The following CNOT1 variants were observed in gnomAD, a reference collection of about 807,000 sequenced individuals.
The protein encoded by CNOT1 is CCR4-NOT transcription complex subunit 1, also known as CCR4-associated factor 1.
A neutral mutation model predicts 273.8 loss-of-function variants in CNOT1; 15 were observed. That is an observed-to-expected ratio of 0.05 (90% CI 0.04 to 0.08). The LOEUF is 0.08. CNOT1 is among the 10% of genes least tolerant of loss of function. The pLI, the probability that CNOT1 is intolerant of heterozygous loss-of-function variation, is 1.00. For synonymous variants in CNOT1, 1,022 were observed against 1,005.5 expected (o/e 1.02, Z -0.31); for missense variants, 1,644 against 2,912.2 (o/e 0.56, Z 10.02).
intron 1 of CNOT1, among the ~76,000 whole-genome samples, chr16:58,616,075 C>T (rs2043069244): frequency 8.1e-6 from 1 of 124,068 alleles, no homozygotes; most frequent in African/African-American, 2.7e-5. Context: ...CTGACTCTAC[C>T]AAAAAAATAA....
In CNOT1 at chr16:58,588,783, T is replaced by A. The variant is rs753575385; in HGVS notation, c.210+16A>T. On this transcript the variant is annotated intron_variant, in intron 3 of 48. Transcript: ENST00000317147. ...ATTACAGCTAAGTGGACATGAACTC[T>A]GTAAGCCCCAAATACCTGATGGAAA... The A allele has an allele frequency of 3.1e-6, 5 of 1,611,690 alleles. No individual in the cohort carries two copies. The highest frequency in any genetic ancestry group is 4.2e-6 in the Non-Finnish European group (5 of 1,178,890).
At chr16:58,604,350 G>A (rs1002461079) in intron 1 of CNOT1, among the ~76,000 whole-genome samples, 2 of 152,148 alleles carry the variant, frequency 1.3e-5, no homozygotes, top group Admixed American at 6.5e-5. Context: ...GAGATTCCAA[G>A]ATATTCATTC....
chr16:58,597,563 A>G, intron 2 of CNOT1: 1 of 292,170 alleles, frequency 3.4e-6, no homozygotes, highest in Non-Finnish European at 6.6e-6. Context: ...TGAATGTAAA[A>G]GTGTAAAGAA....
In CNOT1 at chr16:58,616,161, C is replaced by T. The variant is rs1408705774; in HGVS notation, c.-175+13567G>A. Among the ~76,000 whole-genome samples the T allele has an allele frequency of 1.6e-5, 2 of 125,034 alleles. 1 individual carries two copies. Among genetic ancestry groups the T allele is most frequent in the Non-Finnish European group, 3.8e-5 (2 of 52,482 alleles). The allele number at this position is 125,034 out of a possible 152,430, so 82.0% of individuals were successfully genotyped here. ...TCGCTCTGTTGCCCAGGCTGGAGTG[C>T]AGTGTCATGATCTCGGCTCACTGCA... On this transcript the variant is annotated intron_variant, in intron 1 of 48. Coordinates refer to ENST00000317147, the MANE Select transcript of CNOT1 (RefSeq NM_016284.5).
intron 25 of CNOT1, chr16:58,548,645 C>G (rs748558771): frequency 1.9e-6 from 1 of 517,210 alleles, no homozygotes; most frequent in Non-Finnish European, 3.9e-6. Context: ...GTTCCTAAGC[C>G]AATGACCCAA....
chr16:58,623,921 T>TA (rs2043451292), intron 1 of CNOT1, among the ~76,000 whole-genome samples: 1 of 151,428 alleles, frequency 6.6e-6, no homozygotes. Context: ...ACCAGAGCGA[T>TA]AGAGGTTGCA....
chr16:58,541,684 G>A (rs1567394731), intron 33 of CNOT1, 64 bp from the exon 34 acceptor site: 8 of 1,549,986 alleles, frequency 5.2e-6, no homozygotes, highest in Middle Eastern at 1.7e-4. Context: ...TGTTTTGAAA[G>A]TGGAAAGTCT....
intron 10 of CNOT1, among the ~76,000 whole-genome samples, chr16:58,582,123 C>CAAAAAAAAAA (rs930219983): frequency 5.0e-5 from 5 of 99,370 alleles, no homozygotes; most frequent in East Asian, 3.2e-4. Context: ...ACTAAAAATA[C>CAAAAAAAAAA]AAAAAAAAAA....
In CNOT1 at chr16:58,585,433, G is replaced by A. The variant is rs749681874; in HGVS notation, c.711C>T (p.Asp237=). 1.9e-6 allele frequency: 3 copies of A among 1,613,838 alleles called. No homozygotes were observed. The highest frequency in any genetic ancestry group is 2.2e-5 in the East Asian group (1 of 44,876). ...LYPEKRDILM[D]RILPDSGGVA... is the part of the protein sequence containing the mutation. ...CCCCTCCGGAATCAGGCAGGATCCT[G>A]TCCATTAGAATGTCCCGTTTTTCAG... Residue 237 remains aspartate, a synonymous_variant, in exon 8 of 49, where the codon GAC becomes GAT. Coordinates refer to ENST00000317147, the MANE Select transcript of CNOT1 (RefSeq NM_016284.5).
At chr16:58,578,376 C>G (rs2041536236) in intron 13 of CNOT1, among the ~76,000 whole-genome samples, 1 of 151,038 alleles carries the variant, frequency 6.6e-6, no homozygotes, top group Non-Finnish European at 1.5e-5. Context: ...ATCACTTGAA[C>G]CCAGGAGATG....
intron 35 of CNOT1, 105 bp from the exon 36 acceptor site, chr16:58,539,019 A>G: frequency 6.8e-7 from 1 of 1,478,840 alleles, no homozygotes. Flanking sequence ...TACCTTCCAA[A>G]GCCTCCCTGT....
chr16:58,520,820 C>T lies in CNOT1; in HGVS notation c.*138G>A. 1.1e-6 allele frequency: 1 copy of T among 876,590 alleles called. No individual in the cohort carries two copies. Among genetic ancestry groups the T allele is most frequent in the South Asian group, 1.6e-5 (1 of 64,404 alleles). 54.3% of individuals were successfully genotyped at this position (876,590 alleles called of 1,614,324 possible). A position where few individuals can be genotyped will look rare whatever the true frequency, so the allele number is the denominator to read the frequency against. Reference sequence around the variant, plus strand: ...CCCACATAAGACAGGAGGCTGATCCCAACAGTAGTTGGGGCAGATACCCAC... The same window carrying T: ...CCCACATAAGACAGGAGGCTGATCCTAACAGTAGTTGGGGCAGATACCCAC... On this transcript the variant is annotated 3_prime_UTR_variant, in exon 49 of 49. Coordinates refer to ENST00000317147, the MANE Select transcript of CNOT1 (RefSeq NM_016284.5).
chr16:58,536,957 A>T, intron 39 of CNOT1, 32 bp downstream of exon 39: 4 of 1,610,494 alleles, frequency 2.5e-6, no homozygotes, highest in Non-Finnish European at 3.4e-6. Context: ...CTTATGTTGA[A>T]TAAAAAGCAC....
chr16:58,574,838 T>C (rs977916551), intron 15 of CNOT1, 78 bp from the exon 16 acceptor site: 1 of 1,565,812 alleles, frequency 6.4e-7, no homozygotes, highest in Non-Finnish European at 8.6e-7. Context: ...TACTAAGCAC[T>C]ATAACTAAAA....
intron 1 of CNOT1, among the ~76,000 whole-genome samples, chr16:58,612,977 T>A (rs1264011103): frequency 6.6e-6 from 1 of 152,130 alleles, no homozygotes; most frequent in Non-Finnish European, 1.5e-5. Flanking sequence ...ACTTTACAGA[T>A]AAGGAATAGT....
At chr16:58,607,888 A>G (rs1042256355) in intron 1 of CNOT1, among the ~76,000 whole-genome samples, 2 of 151,928 alleles carry the variant, frequency 1.3e-5, no homozygotes, top group Non-Finnish European at 2.9e-5. Context: ...ATTTTAAGAA[A>G]AGGCCAGGCG....
At position 58,574,627 on chromosome 16, in the gene CNOT1, C is replaced by T; in HGVS notation, c.1961G>A (p.Cys654Tyr). The change falls in exon 16 of 49, where the codon TGT becomes TAT. Residue 654 changes from cysteine to tyrosine, a missense_variant. By Grantham distance (194) the Cys-to-Tyr change is radical. Around this residue, in one of 13 missense-constraint regions of CNOT1, gnomAD observed 706 missense variants for 1,021.2 expected, o/e 0.69. Transcript: ENST00000317147. ...PPETLATMLA[C>Y]LQACAGSVSQ... is the part of the protein sequence containing the mutation. The stretch of plus-strand genomic sequence containing the variant: ...TTCTTACCCTGCACAAGCTTGCAGA[C>T]AGGCCAACATTGTCGCCAAAGTTTC... 2 of 1,592,060 alleles carry T rather than the reference C, an allele frequency of 1.3e-6. No homozygotes were observed. Among genetic ancestry groups the T allele is most frequent in the Non-Finnish European group, 1.7e-6 (2 of 1,175,090 alleles).
At chr16:58,597,124 G>A (rs2042291270) in intron 2 of CNOT1, among the ~76,000 whole-genome samples, 1 of 149,398 alleles carries the variant, frequency 6.7e-6, no homozygotes, top group Non-Finnish European at 1.5e-5. Context: ...GGACTAAGTA[G>A]CTTAAATAGC....
intron 16 of CNOT1, among the ~76,000 whole-genome samples, chr16:58,566,758 C>A (rs1214554434): frequency 6.6e-6 from 1 of 152,098 alleles, no homozygotes; most frequent in Non-Finnish European, 1.5e-5. Context: ...CTCTGCCTCC[C>A]GAGTAGCTGG....
Sources: gnomAD v4.1 joint callset for allele counts (sites outside exome capture counted in the v4.1 genomes callset) on GRCh38, gnomAD v4.1.1 for gene constraint, gnomAD v4.1.1 regional missense constraint, MANE v1.5 for transcripts, NCBI Gene and HGNC (gene_info 2026-07-23, HGNC 2026-07-21) for gene names.